ITGA8: variants seen among roughly 807,000 people sequenced by gnomAD.
ITGA8 encodes the protein integrin alpha-8.
Under a neutral mutation model 142.3 loss-of-function variants are expected in ITGA8, and 91 were observed. That is an observed-to-expected ratio of 0.64 (90% CI 0.54 to 0.76). The LOEUF (loss-of-function observed/expected upper bound fraction) is 0.76, where lower values mean the gene tolerates loss of function less well. ITGA8 is among the 30% of genes least tolerant of loss of function. The probability of loss-of-function intolerance (pLI) is 0.00; values close to 1 mark genes in which losing one functional copy is unlikely to be tolerated. For synonymous variants in ITGA8, 505 were observed against 485.2 expected (o/e 1.04, Z -0.54); for missense variants, 1,406 against 1,327.7 (o/e 1.06, Z -0.92).
intron 13 of ITGA8, among the ~76,000 whole-genome samples, chr10:15,633,781 C>T (rs1473360): frequency 0.88 from 134,428 of 151,944 alleles, 61,527 homozygotes; most frequent in Non-Finnish European, 1. Flanking sequence ...GATCCCTTTT[C>T]CCCCCCTCAC....
At chr10:15,670,462 A>C (rs1040802396) in intron 8 of ITGA8, among the ~76,000 whole-genome samples, 5 of 152,244 alleles carry the variant, frequency 3.3e-5, no homozygotes, top group African/African-American at 1.2e-4. Context: ...TCTTGACTCC[A>C]AAGATTCAAA....
intron 25 of ITGA8, among the ~76,000 whole-genome samples, chr10:15,559,229 T>A (rs150277266): frequency 1.2e-3 from 188 of 152,314 alleles, no homozygotes; most frequent in African/African-American, 4.4e-3. Context: ...GGCCGGTTTC[T>A]CCAGCCTCTT....
In ITGA8 at chr10:15,672,483, G is replaced by C. The variant is rs547009321; in HGVS notation, c.802+141C>G. 7.8e-6 allele frequency: 8 copies of C among 1,020,538 alleles called. No homozygotes were observed. The South Asian group carries it at 1.4e-4, about 17-fold the overall frequency. 63.2% of individuals were successfully genotyped at this position (1,020,538 alleles called of 1,614,324 possible). A position where few individuals can be genotyped will look rare whatever the true frequency, so the allele number is the denominator to read the frequency against. On this transcript the variant is annotated intron_variant, in intron 7 of 29. Transcript: ENST00000378076. ...AAAAATAGCAGTATTAAAAAGAAAA[G>C]AAAAATTGAGTCCACTCTAATAAGA...
intron 27 of ITGA8, 58 bp downstream of exon 27, chr10:15,548,397 C>T: frequency 8.2e-7 from 1 of 1,213,032 alleles, no homozygotes; most frequent in East Asian, 2.5e-5. Flanking sequence ...TCCCACTGAG[C>T]TTTTGTGAAG....
At chr10:15,665,589 C>T (rs1271077534) in intron 8 of ITGA8, among the ~76,000 whole-genome samples, 2 of 152,082 alleles carry the variant, frequency 1.3e-5, no homozygotes, top group African/African-American at 4.8e-5. Flanking sequence ...GAAGTCCTTG[C>T]CCATGCCTAT....
intron 28 of ITGA8, 61 bp from the exon 29 acceptor site, chr10:15,519,473 G>A: frequency 6.5e-7 from 1 of 1,537,494 alleles, no homozygotes; most frequent in South Asian, 1.1e-5. Flanking sequence ...AAATAAAATA[G>A]TAATTACCAG....
intron 2 of ITGA8, among the ~76,000 whole-genome samples, 192 bp downstream of exon 2, chr10:15,718,574 T>C (rs1835496391): frequency 1.3e-5 from 2 of 152,190 alleles, no homozygotes; most frequent in Non-Finnish European, 2.9e-5. Flanking sequence ...TCTCTAGGGT[T>C]CACTAAACGT....
Position 15,678,746 on chromosome 10 carries a change from T to C in ITGA8, c.606A>G (p.Ala202=). 1 of 1,611,052 alleles carries C rather than the reference T, an allele frequency of 6.2e-7. No homozygotes were observed. The highest frequency in any genetic ancestry group is 1.1e-5 in the South Asian group (1 of 90,932). The change falls in exon 5 of 30, where the codon GCA becomes GCG. Residue 202 remains alanine, a synonymous_variant. Coordinates refer to ENST00000378076, the MANE Select transcript of ITGA8 (RefSeq NM_003638.3). ...CCTTATAAAAATCCAGACTAAATCC[T>C]GCTTGGCAGTAACCCTGGCCTTCCG... ...ADPEGQGYCQ[A]GFSLDFYKNG... is the part of the protein sequence containing the mutation.
At chr10:15,676,320 T>C (rs1267535524) in intron 6 of ITGA8, among the ~76,000 whole-genome samples, 1 of 152,192 alleles carries the variant, frequency 6.6e-6, no homozygotes, top group Non-Finnish European at 1.5e-5. Context: ...GAAGACGTAA[T>C]TTCCTCTCAG....
At chr10:15,562,081 G>C (rs1833994139) in intron 25 of ITGA8, among the ~76,000 whole-genome samples, 1 of 152,190 alleles carries the variant, frequency 6.6e-6, no homozygotes, top group South Asian at 2.1e-4. Flanking sequence ...CCTCCACCTG[G>C]TCTCTCTCTT....
intron 25 of ITGA8, among the ~76,000 whole-genome samples, chr10:15,562,515 A>G (rs995917520): frequency 6.6e-6 from 1 of 152,196 alleles, no homozygotes; most frequent in African/African-American, 2.4e-5. Flanking sequence ...GCAGGAAAGA[A>G]GGTATGGCCA....
At chr10:15,652,552 G>A (rs12774861) in intron 11 of ITGA8, among the ~76,000 whole-genome samples, 14,739 of 151,658 alleles carry the variant, frequency 0.097, 920 homozygotes, top group East Asian at 0.29. Context: ...TGGCCTTCAA[G>A]TTCTTTAGCT....
chr10:15,585,623 A>T (rs1252916862), intron 23 of ITGA8, among the ~76,000 whole-genome samples: 1 of 152,212 alleles, frequency 6.6e-6, no homozygotes, highest in Admixed American at 6.5e-5. Context: ...CAAATCCATG[A>T]TTGTTCTGAA....
chr10:15,677,490 TA>T, intron 6 of ITGA8, 101 bp downstream of exon 6: 1 of 900,180 alleles, frequency 1.1e-6, no homozygotes, highest in Non-Finnish European at 1.7e-6. Flanking sequence ...AATAAGGATA[TA>T]AAATTAAGGT....
At chr10:15,640,280 T>G (rs1485176106) in intron 13 of ITGA8, among the ~76,000 whole-genome samples, 1 of 152,202 alleles carries the variant, frequency 6.6e-6, no homozygotes, top group Non-Finnish European at 1.5e-5. Flanking sequence ...GGAATGGATC[T>G]CTGGGCTGGC....
At chr10:15,620,650 C>T (rs1212721349) in intron 13 of ITGA8, among the ~76,000 whole-genome samples, 4 of 152,218 alleles carry the variant, frequency 2.6e-5, no homozygotes, top group African/African-American at 7.2e-5. Flanking sequence ...GCCAGAAGTA[C>T]TTATGCTCGG....
intron 13 of ITGA8, among the ~76,000 whole-genome samples, chr10:15,638,826 T>A (rs1274071505): frequency 6.6e-6 from 1 of 152,088 alleles, no homozygotes; most frequent in Non-Finnish European, 1.5e-5. Flanking sequence ...TGTATGTCTG[T>A]GAGTAAATTT....
intron 10 of ITGA8, among the ~76,000 whole-genome samples, chr10:15,656,416 T>A (rs533870345): frequency 1.2e-4 from 19 of 152,096 alleles, no homozygotes; most frequent in African/African-American, 4.1e-4. Flanking sequence ...CAGGCTGGAG[T>A]GCAGTGGTGT....
At chr10:15,673,274 G>T (rs950071882) in intron 6 of ITGA8, among the ~76,000 whole-genome samples, 2 of 152,082 alleles carry the variant, frequency 1.3e-5, no homozygotes, top group Non-Finnish European at 2.9e-5. Context: ...TAGTAGAGAC[G>T]CAGTTTCACT....
Sources: gnomAD v4.1 joint callset for allele counts (sites outside exome capture counted in the v4.1 genomes callset) on GRCh38, gnomAD v4.1.1 for gene constraint, MANE v1.5 for transcripts, NCBI Gene and HGNC (gene_info 2026-07-23, HGNC 2026-07-21) for gene names.